The following FHOD3 variants were observed in gnomAD, a reference collection of about 807,000 sequenced individuals.
FHOD3 encodes the protein formin homology 2 domain containing 3.
Under a neutral mutation model 173.0 loss-of-function variants are expected in FHOD3, and 90 were observed. That is an observed-to-expected ratio of 0.52 (90% CI 0.44 to 0.62). The LOEUF (loss-of-function observed/expected upper bound fraction) is 0.62. Ranked by LOEUF, FHOD3 falls within the 20% of genes least tolerant of loss-of-function variation. FHOD3 has a pLI of 0.00. For missense variants in FHOD3, 1,945 were observed against 2,034.7 expected (o/e 0.96, Z 0.85); for synonymous variants, 828 against 823.0 (o/e 1.01, Z -0.10).
intron 5 of FHOD3, among the ~76,000 whole-genome samples, chr18:36,521,955 A>G (rs910501178): frequency 6.6e-6 from 1 of 152,142 alleles, no homozygotes; most frequent in Non-Finnish European, 1.5e-5. Flanking sequence ...TGGTTCACAC[A>G]TTATCTTTTG....
chr18:36,712,854 A>T (rs2040244290), intron 18 of FHOD3, among the ~76,000 whole-genome samples: 2 of 152,014 alleles, frequency 1.3e-5, no homozygotes, highest in African/African-American at 4.8e-5. Flanking sequence ...AAAAAAAAAA[A>T]AAAATTTTGT....
intron 3 of FHOD3, among the ~76,000 whole-genome samples, chr18:36,402,027 A>G (rs1277589574): frequency 6.6e-6 from 1 of 152,188 alleles, no homozygotes; most frequent in Non-Finnish European, 1.5e-5. Flanking sequence ...TAAAAATTCC[A>G]TTTTGTTTTT....
chr18:36,667,711 C>T (rs2037273207), intron 14 of FHOD3, among the ~76,000 whole-genome samples: 1 of 152,126 alleles, frequency 6.6e-6, no homozygotes, highest in Admixed American at 6.5e-5. Context: ...ATGAACATTA[C>T]TGTTCATGCC....
intron 5 of FHOD3, among the ~76,000 whole-genome samples, chr18:36,514,861 C>T (rs2055875475): frequency 6.6e-6 from 1 of 152,220 alleles, no homozygotes; most frequent in Admixed American, 6.5e-5. Flanking sequence ...TACATGACCC[C>T]CTGTAGCTGC....
chr18:36,728,382 A>C (rs1182470079), intron 19 of FHOD3, among the ~76,000 whole-genome samples: 3 of 152,206 alleles, frequency 2.0e-5, no homozygotes, highest in Non-Finnish European at 2.9e-5. Context: ...ATTAGATTTA[A>C]AAGTTAAATT....
At chr18:36,739,897 G>T (rs151328585) in intron 20 of FHOD3, among the ~76,000 whole-genome samples, 1 of 152,130 alleles carries the variant, frequency 6.6e-6, no homozygotes, top group Admixed American at 6.5e-5. Context: ...TGACATCTGT[G>T]TGTATGAGCA....
At chr18:36,629,301 G>A (rs1166656174) in intron 10 of FHOD3, among the ~76,000 whole-genome samples, 1 of 152,238 alleles carries the variant, frequency 6.6e-6, no homozygotes, top group Non-Finnish European at 1.5e-5. Context: ...GTACTGGCAT[G>A]AGCATGGCTG....
chr18:36,361,379 T>C (rs113266917), intron 2 of FHOD3, among the ~76,000 whole-genome samples: 29 of 152,216 alleles, frequency 1.9e-4, no homozygotes, highest in African/African-American at 7.0e-4. Flanking sequence ...GTTCAGAATC[T>C]TGCTTTTTTA....
At chr18:36,680,441 T>C (rs542112477) in intron 14 of FHOD3, among the ~76,000 whole-genome samples, 4 of 152,386 alleles carry the variant, frequency 2.6e-5, no homozygotes, top group Non-Finnish European at 5.9e-5. Flanking sequence ...ATTTTTCTCT[T>C]TGTTTTGGAG....
intron 6 of FHOD3, among the ~76,000 whole-genome samples, chr18:36,592,436 A>T (rs1044728301): frequency 4.9e-4 from 75 of 152,244 alleles, no homozygotes; most frequent in African/African-American, 1.7e-3. Context: ...ACGCTCACAC[A>T]ACTGTAGAGC....
At chr18:36,396,466 G>T in intron 3 of FHOD3, among the ~76,000 whole-genome samples, 1 of 151,902 alleles carries the variant, frequency 6.6e-6, no homozygotes, top group Non-Finnish European at 1.5e-5. Flanking sequence ...TTAACTTTCT[G>T]CATCTCTTGA....
chr18:36,398,253 T>C (rs1238301998), intron 3 of FHOD3, among the ~76,000 whole-genome samples: 2 of 152,260 alleles, frequency 1.3e-5, no homozygotes, highest in Non-Finnish European at 2.9e-5. Context: ...GTGCTATGAA[T>C]TGAACTATTT....
At chr18:36,554,312 A>C (rs762679272) in intron 5 of FHOD3, among the ~76,000 whole-genome samples, 3 of 152,334 alleles carry the variant, frequency 2.0e-5, no homozygotes, top group Admixed American at 1.3e-4. Flanking sequence ...TAGCATAAAA[A>C]AGGATAAGTT....
At chr18:36,605,666 C>T (rs7238263) in intron 8 of FHOD3, among the ~76,000 whole-genome samples, 19,040 of 152,108 alleles carry the variant, frequency 0.13, 2,098 homozygotes, top group African/African-American at 0.29. Context: ...TTGCAACCTC[C>T]GGCATAAATG....
rs113059299 is a variant in FHOD3 at position 36,443,720 on chromosome 18, T to C, written c.338-58212T>C. On this transcript the variant is annotated intron_variant, in intron 3 of 28. Transcript: ENST00000590592. ...TTTATACCTCCTGAGATCACGGAGCTAGGAAATACAGCTATATACAAATAT... is the reference window on the plus strand; with the variant it reads ...TTTATACCTCCTGAGATCACGGAGCCAGGAAATACAGCTATATACAAATAT... Among the ~76,000 whole-genome samples the C allele has an allele frequency of 1.4e-3, 212 of 152,324 alleles. 5 individuals carry two copies. The highest frequency in any genetic ancestry group is 1.1e-3 in the Admixed American group (17 of 15,304).
At chr18:36,703,725 G>A (rs563364459) in intron 17 of FHOD3, among the ~76,000 whole-genome samples, 8 of 152,188 alleles carry the variant, frequency 5.3e-5, no homozygotes, top group Non-Finnish European at 8.8e-5. Flanking sequence ...CTGCCCTGGC[G>A]GACTTCATAC....
chr18:36,528,173 G>A (rs1247303758), intron 5 of FHOD3, among the ~76,000 whole-genome samples: 2 of 152,120 alleles, frequency 1.3e-5, no homozygotes, highest in Admixed American at 6.5e-5. Context: ...AGGTGTAGGG[G>A]GAGAACAAAC....
At chr18:36,333,893 C>A (rs2045155920) in intron 1 of FHOD3, among the ~76,000 whole-genome samples, 1 of 152,192 alleles carries the variant, frequency 6.6e-6, no homozygotes, top group South Asian at 2.1e-4. Flanking sequence ...TGTGCTTTTT[C>A]TTTTCTTTTT....
At chr18:36,578,842 C>T (rs1229168572) in intron 6 of FHOD3, among the ~76,000 whole-genome samples, 1 of 152,154 alleles carries the variant, frequency 6.6e-6, no homozygotes, top group Non-Finnish European at 1.5e-5. Context: ...GGGTGACCCT[C>T]ACATCTTGCC....
Sources: gnomAD v4.1 joint callset for allele counts (sites outside exome capture counted in the v4.1 genomes callset) on GRCh38, gnomAD v4.1.1 for gene constraint, MANE v1.5 for transcripts, NCBI Gene and HGNC (gene_info 2026-07-23, HGNC 2026-07-21) for gene names.